The following BICD1 variants were observed in gnomAD, a reference collection of about 807,000 sequenced individuals.
BICD1 encodes BICD cargo adaptor 1, also known as protein bicaudal D homolog 1.
Under a neutral mutation model 92.5 loss-of-function variants are expected in BICD1, and 35 were observed. That is an observed-to-expected ratio of 0.38 (90% CI 0.29 to 0.50). BICD1 has a LOEUF of 0.50. BICD1 is among the 20% of genes least tolerant of loss of function. The pLI, the probability that BICD1 is intolerant of heterozygous loss-of-function variation, is 0.93. For missense variants in BICD1, 950 were observed against 1,189.8 expected (o/e 0.80, Z 2.97); for synonymous variants, 429 against 465.1 (o/e 0.92, Z 1.00).
chr12:32,208,123 C>T (rs1304520437), intron 1 of BICD1, among the ~76,000 whole-genome samples: 1 of 152,184 alleles, frequency 6.6e-6, no homozygotes, highest in Admixed American at 6.5e-5. Context: ...GCTGTTTTTA[C>T]CTTTAAGGTA....
intron 1 of BICD1, 197 bp downstream of exon 1, chr12:32,107,741 A>G (rs957546320): frequency 4.0e-6 from 3 of 748,470 alleles, no homozygotes; most frequent in Non-Finnish European, 7.0e-6. Flanking sequence ...AAATGAATAT[A>G]TAAGCTGGAA....
chr12:32,338,233 T>C (rs1938213960), intron 7 of BICD1: 1 of 193,110 alleles, frequency 5.2e-6, no homozygotes, highest in Non-Finnish European at 1.1e-5. Flanking sequence ...TATCAGCTTC[T>C]CTTTAACGGG....
chr12:32,169,568 T>G (rs937315092), intron 1 of BICD1, among the ~76,000 whole-genome samples: 1 of 151,844 alleles, frequency 6.6e-6, no homozygotes, highest in Non-Finnish European at 1.5e-5. Flanking sequence ...CGTGAGCCAC[T>G]GTGCCCAGCC....
At chr12:32,196,590 T>C (rs1055503301) in intron 1 of BICD1, among the ~76,000 whole-genome samples, 1 of 152,194 alleles carries the variant, frequency 6.6e-6, no homozygotes, top group African/African-American at 2.4e-5. Context: ...GAACTCTTAG[T>C]AACAGAGTAG....
intron 1 of BICD1, among the ~76,000 whole-genome samples, chr12:32,210,474 A>C (rs914303204): frequency 6.6e-6 from 1 of 152,208 alleles, no homozygotes; most frequent in Non-Finnish European, 1.5e-5. Flanking sequence ...TTAACGTATC[A>C]TCCTGAATAT....
intron 2 of BICD1, among the ~76,000 whole-genome samples, chr12:32,238,730 A>C (rs1252785603): frequency 6.8e-6 from 1 of 147,294 alleles, no homozygotes; most frequent in Non-Finnish European, 1.5e-5. Flanking sequence ...AGATCACCTA[A>C]GGTCAGGAGT....
intron 1 of BICD1, among the ~76,000 whole-genome samples, chr12:32,128,553 T>TA (rs1462769352): frequency 6.6e-6 from 1 of 152,230 alleles, no homozygotes; most frequent in African/African-American, 2.4e-5. Context: ...AATTGCTTTT[T>TA]ATCACTTTAC....
intron 1 of BICD1, among the ~76,000 whole-genome samples, chr12:32,153,502 A>G (rs1592383599): frequency 1.3e-5 from 2 of 152,200 alleles, no homozygotes; most frequent in East Asian, 3.9e-4. Context: ...CAAGAACATT[A>G]AATCAGTTAA....
chr12:32,382,516 A>G lies in BICD1; in HGVS notation c.*4889A>G, dbSNP rs886567538. On this transcript the variant is annotated 3_prime_UTR_variant, in exon 10 of 10. Coordinates refer to ENST00000652176, the MANE Select transcript of BICD1 (RefSeq NM_001714.4). Reference sequence around the variant, plus strand: ...GTTATCTATATCTAGTCTCCTTTCCATATTGAACTGCATGGCTCTAATCCT... The same window carrying G: ...GTTATCTATATCTAGTCTCCTTTCCGTATTGAACTGCATGGCTCTAATCCT... 2 of 151,618 alleles carry G rather than the reference A, an allele frequency of 1.3e-5. No homozygotes were observed. The highest frequency in any genetic ancestry group is 2.9e-5 in the Non-Finnish European group (2 of 67,800). The allele number at this position is 151,618 out of a possible 1,614,324, so 9.4% of individuals were successfully genotyped here. A position where few individuals can be genotyped will look rare whatever the true frequency, so the allele number is the denominator to read the frequency against.
chr12:32,278,095 T>A (rs907350067), intron 2 of BICD1, among the ~76,000 whole-genome samples: 3 of 152,148 alleles, frequency 2.0e-5, no homozygotes, highest in Non-Finnish European at 4.4e-5. Context: ...TCTATGAAGG[T>A]GAGATGAAAC....
intron 4 of BICD1, among the ~76,000 whole-genome samples, chr12:32,320,245 C>G (rs1337509762): frequency 6.6e-6 from 1 of 152,184 alleles, no homozygotes; most frequent in Non-Finnish European, 1.5e-5. Context: ...GTGGCTCTCA[C>G]CTGTAATCCC....
At chr12:32,181,521 A>AT (rs1944273201) in intron 1 of BICD1, among the ~76,000 whole-genome samples, 1 of 151,612 alleles carries the variant, frequency 6.6e-6, no homozygotes, top group African/African-American at 2.4e-5. Flanking sequence ...TTTAAACTTG[A>AT]TTTTTTTTCT....
At chr12:32,278,559 A>G (rs2136163097) in intron 2 of BICD1, among the ~76,000 whole-genome samples, 1 of 152,334 alleles carries the variant, frequency 6.6e-6, no homozygotes, top group African/African-American at 2.4e-5. Flanking sequence ...TTACTAATAA[A>G]AATTAACTAG....
chr12:32,237,023 C>A (rs146441018), intron 2 of BICD1, among the ~76,000 whole-genome samples: 1 of 151,780 alleles, frequency 6.6e-6, no homozygotes, highest in African/African-American at 2.4e-5. Context: ...TACTGGTGCC[C>A]GCCACCATAC....
chr12:32,377,548 C>G lies in BICD1; in HGVS notation c.2849C>G (p.Thr950Arg). The change falls in exon 10 of 10, where the codon ACA (threonine) becomes AGA (arginine). Residue 950 changes from threonine (T) to arginine (R), a missense_variant. Physicochemically the swap from Thr to Arg is moderately conservative, Grantham distance 71. Around this residue, in one of 5 missense-constraint regions of BICD1, gnomAD observed 179 missense variants for 186.7 expected, o/e 0.96. Coordinates refer to ENST00000652176, the MANE Select transcript of BICD1 (RefSeq NM_001714.4). ...TTGTTTCTCCTTTCCAGTCCTGACA[C>G]AGCTCTCCCTGAGGAGCAGCCACAT... ...RQDCPTVSPD[T>R]ALPEEQPHSS... The G allele has an allele frequency of 6.2e-7, 1 of 1,614,012 alleles. No homozygotes were observed. Among genetic ancestry groups the G allele is most frequent in the Non-Finnish European group, 8.5e-7 (1 of 1,179,928 alleles).
intron 2 of BICD1, among the ~76,000 whole-genome samples, chr12:32,271,835 T>C (rs150508117): frequency 1.3e-5 from 2 of 152,210 alleles, no homozygotes; most frequent in South Asian, 4.1e-4. Context: ...TATTTTATTG[T>C]TTCCTTTCCA....
intron 1 of BICD1, among the ~76,000 whole-genome samples, chr12:32,183,888 G>C (rs1349363715): frequency 6.6e-6 from 1 of 152,158 alleles, no homozygotes; most frequent in Non-Finnish European, 1.5e-5. Flanking sequence ...GGTTGCTAGG[G>C]GGAGGGTGCT....
intron 2 of BICD1, among the ~76,000 whole-genome samples, chr12:32,221,410 A>G (rs1478681881): frequency 1.3e-5 from 2 of 151,710 alleles, no homozygotes; most frequent in Non-Finnish European, 2.9e-5. Flanking sequence ...TAGGCCGGGC[A>G]TGGTGGCTCA....
chr12:32,269,063 G>GTT (rs1947072249), intron 2 of BICD1, among the ~76,000 whole-genome samples: 1 of 152,068 alleles, frequency 6.6e-6, no homozygotes, highest in African/African-American at 2.4e-5. Flanking sequence ...TTTTTTCCAA[G>GTT]TTCCCATGTG....
Sources: gnomAD v4.1 joint callset for allele counts (sites outside exome capture counted in the v4.1 genomes callset) on GRCh38, gnomAD v4.1.1 for gene constraint, gnomAD v4.1.1 regional missense constraint, MANE v1.5 for transcripts, NCBI Gene and HGNC (gene_info 2026-07-23, HGNC 2026-07-21) for gene names.